Variants in STRN3 observed in about 807,000 individuals in gnomAD.
STRN3 encodes the protein striatin-3.
In STRN3, 29 loss-of-function variants were observed where a neutral mutation model predicts 95.6. The ratio of observed to expected loss-of-function variants is 0.30; its 90% CI spans 0.23 to 0.41. STRN3 has a LOEUF of 0.41. Among genes scored for constraint, STRN3 ranks in the 10% least tolerant of loss-of-function variants. The probability of loss-of-function intolerance (pLI) is 1.00; values close to 1 mark genes in which losing one functional copy is unlikely to be tolerated. For missense variants in STRN3, 890 were observed against 972.1 expected, an observed-to-expected ratio of 0.92 and a Z score of 1.12; for synonymous variants, 331 against 357.6, an observed-to-expected ratio of 0.93 and a Z score of 0.84.
Position 30,895,053 on chromosome 14 carries a change from CAAAAAAAAAAAAA to C in STRN3, c.*345_*357del, listed in dbSNP as rs35858438. On this transcript the variant is annotated 3_prime_UTR_variant, in exon 18 of 18. Transcript: ENST00000357479. ...AACCCCTAAGGCAGCACACAGAGTC[CAAAAAAAAAAAAA>C]AAAAAAAAAAAAAGAAGAAGAAGAA... 3.4e-3 allele frequency: 90 copies of C among 26,564 alleles called. 3 individuals are homozygous for C. Among genetic ancestry groups the C allele is most frequent in the African/African-American group, 0.014 (68 of 4,782 alleles). The allele number at this position is 26,564 out of a possible 1,614,324, so 1.6% of individuals were successfully genotyped here.
chr14:30,943,179 T>C (rs1055502525), intron 5 of STRN3, among the ~76,000 whole-genome samples: 2 of 152,244 alleles, frequency 1.3e-5, no homozygotes, highest in Non-Finnish European at 2.9e-5. Context: ...CATTTTCTTA[T>C]TCCTAGGGGT....
At chr14:31,012,072 ACT>A (rs975267729) in intron 1 of STRN3, among the ~76,000 whole-genome samples, 1 of 152,166 alleles carries the variant, frequency 6.6e-6, no homozygotes, top group Non-Finnish European at 1.5e-5. Flanking sequence ...ACGGAGCGAG[ACT>A]CTGTCTCAAA....
intron 1 of STRN3, among the ~76,000 whole-genome samples, chr14:31,014,027 C>G (rs1172812756): frequency 6.6e-6 from 1 of 151,506 alleles, no homozygotes; most frequent in Non-Finnish European, 1.5e-5. Flanking sequence ...CCCGGTTTCC[C>G]GAGTAGCTAG....
intron 1 of STRN3, among the ~76,000 whole-genome samples, chr14:31,021,618 AC>A (rs1211468908): frequency 2.0e-5 from 3 of 152,224 alleles, no homozygotes; most frequent in Non-Finnish European, 4.4e-5. Flanking sequence ...ACAACTGGGA[AC>A]AAAAGAAAGA....
At position 30,912,089 on chromosome 14, in the gene STRN3, G is replaced by A. The variant is rs1402175540; in HGVS notation, c.1468C>T (p.Pro490Ser). The change falls in exon 11 of 18, where the codon CCT (proline) becomes TCT (serine). Residue 490 changes from proline (P) to serine (S), a missense_variant. Physicochemically the swap from Pro to Ser is moderately conservative, Grantham distance 74 (BLOSUM62 -1). Transcript: ENST00000357479. The stretch of plus-strand genomic sequence containing the variant: ...GCAGTAACCAGCACAGGTTCTACAG[G>A]ATGAAAAGCTAATGCCCGTACTCCA... ...FDGVRALAFH[P>S]VEPVLVTASE... 6.2e-7 allele frequency: 1 copy of A among 1,614,138 alleles called. No individual in the cohort carries two copies. Among genetic ancestry groups the A allele is most frequent in the Non-Finnish European group, 8.5e-7 (1 of 1,179,988 alleles).
Position 30,978,502 on chromosome 14 carries a change from A to G in STRN3, c.283-22260T>C, listed in dbSNP as rs142677878. Among the ~76,000 whole-genome samples the G allele has an allele frequency of 3.1e-3, 476 of 152,332 alleles. 4 individuals are homozygous for G. The highest frequency in any genetic ancestry group is 0.011 in the African/African-American group (465 of 41,584). On this transcript the variant is annotated intron_variant, in intron 1 of 17. Transcript: ENST00000357479. ...GATATCTATGAAAAACGTACAGCTA[A>G]ATATCATATTTAATTATGAAAAAGT...
intron 4 of STRN3, among the ~76,000 whole-genome samples, chr14:30,950,062 G>C (rs183688810): frequency 9.3e-4 from 141 of 152,002 alleles, no homozygotes; most frequent in Middle Eastern, 3.4e-3. Context: ...ACTAGATAAG[G>C]GTGATCAATT....
chr14:30,924,091 T>A (rs1272371754), intron 8 of STRN3, among the ~76,000 whole-genome samples: 4 of 151,508 alleles, frequency 2.6e-5, no homozygotes, highest in African/African-American at 2.4e-5. Context: ...TAGTATTGCA[T>A]CAACACTTAC....
rs1880345779 is a variant in STRN3 at position 30,964,022 on chromosome 14, C to G, written c.283-7780G>C. Among the ~76,000 whole-genome samples the G allele has an allele frequency of 2.6e-5, 4 of 152,244 alleles. No individual in the cohort carries two copies. In the South Asian group the frequency reaches 6.2e-4, roughly 24 times the overall value. On this transcript the variant is annotated intron_variant, in intron 1 of 17. Coordinates refer to ENST00000357479, the MANE Select transcript of STRN3 (RefSeq NM_001083893.2). ...ATGCCAACACTTTGAGAGGCTGAGG[C>G]AGGCGGATCACTTGAGGTCAGGAGT... is the stretch of plus-strand genomic sequence containing the variant.
intron 1 of STRN3, among the ~76,000 whole-genome samples, chr14:31,001,630 AACTCGGTCGT>A: frequency 6.6e-6 from 1 of 152,282 alleles, no homozygotes; most frequent in African/African-American, 2.4e-5. Flanking sequence ...AGTCAAGTAA[AACTCGGTCGT>A]ACCAAAAGAA....
intron 5 of STRN3, among the ~76,000 whole-genome samples, chr14:30,941,637 TCCC>T (rs144044161): frequency 0.075 from 11,350 of 152,000 alleles, 654 homozygotes; most frequent in East Asian, 0.21. Flanking sequence ...ACTTTTTTTT[TCCC>T]CCCAAGATGG....
Position 30,911,150 on chromosome 14 carries a change from C to G in STRN3, c.1611G>C (p.Leu537=). 6.2e-7 allele frequency: 1 copy of G among 1,611,768 alleles called. No homozygotes were observed. Among genetic ancestry groups the G allele is most frequent in the Non-Finnish European group, 8.5e-7 (1 of 1,179,530 alleles). ...YTFRAHIGPV[L]SLAISSNGEQ... ...CTCCATTAGAACTAATAGCTAATGA[C>G]AGAACAGGGCCGCTATTGTAGGAAG... is the stretch of plus-strand genomic sequence containing the variant. The change falls in exon 13 of 18, where the codon CTG becomes CTC. Residue 537 remains leucine (L), a synonymous_variant. Coordinates refer to ENST00000357479, the MANE Select transcript of STRN3 (RefSeq NM_001083893.2).
intron 1 of STRN3, among the ~76,000 whole-genome samples, chr14:30,989,477 T>C (rs965661448): frequency 2.6e-5 from 4 of 152,166 alleles, no homozygotes; most frequent in Admixed American, 2.6e-4. Flanking sequence ...TTTATTTATT[T>C]TGAGATGGAG....
chr14:30,901,794 T>C (rs1260585388), intron 16 of STRN3, among the ~76,000 whole-genome samples: 1 of 152,192 alleles, frequency 6.6e-6, no homozygotes, highest in African/African-American at 2.4e-5. Flanking sequence ...TATATTTCCC[T>C]ACAACAAGAA....
At chr14:31,016,341 T>A (rs1384389743) in intron 1 of STRN3, among the ~76,000 whole-genome samples, 2 of 151,988 alleles carry the variant, frequency 1.3e-5, no homozygotes. Context: ...CTGTAGCACA[T>A]CCATAAATGG....
Position 31,026,137 on chromosome 14 carries a change from G to A in STRN3, c.49C>T (p.Pro17Ser). The change falls in exon 1 of 18, where the codon CCT becomes TCT. Residue 17 changes from proline to serine, a missense_variant. By Grantham distance (74) the Pro-to-Ser change is moderately conservative. Coordinates refer to ENST00000357479, the MANE Select transcript of STRN3 (RefSeq NM_001083893.2). ...GGGGGPGMAAPPRQQQGPGGN... is the reference protein window; with the variant it reads ...GGGGGPGMAASPRQQQGPGGN... Reference sequence around the variant, plus strand: ...CCAGGTCCCTGCTGCTGCCGGGGAGGGGCCGCCATCCCCGGGCCGCCACCA... The same window carrying A: ...CCAGGTCCCTGCTGCTGCCGGGGAGAGGCCGCCATCCCCGGGCCGCCACCA... 1 of 1,496,208 alleles carries A rather than the reference G, an allele frequency of 6.7e-7. No individual in the cohort carries two copies. The highest frequency in any genetic ancestry group is 8.9e-7 in the Non-Finnish European group (1 of 1,129,070). 92.7% of individuals were successfully genotyped at this position (1,496,208 alleles called of 1,614,324 possible). A position where few individuals can be genotyped will look rare whatever the true frequency, so the allele number is the denominator to read the frequency against.
At position 31,000,975 on chromosome 14, in the gene STRN3, A is replaced by C. The variant is rs552057698; in HGVS notation, c.282+24929T>G. Among the ~76,000 whole-genome samples, 31 of 152,312 alleles carry C rather than the reference A, an allele frequency of 2.0e-4. 1 individual carries two copies. Among genetic ancestry groups the C allele is most frequent in the South Asian group, 6.2e-4 (3 of 4,820 alleles). On this transcript the variant is annotated intron_variant, in intron 1 of 17. Coordinates refer to ENST00000357479, the MANE Select transcript of STRN3 (RefSeq NM_001083893.2). ...ACTTGGTAACAATAAAGAACTCCCC[A>C]CCAGATAGGGTTCTATTGTCTCCGT... is the stretch of plus-strand genomic sequence containing the variant.
chr14:30,987,910 G>C (rs1881775681), intron 1 of STRN3, among the ~76,000 whole-genome samples: 1 of 151,974 alleles, frequency 6.6e-6, no homozygotes, highest in African/African-American at 2.4e-5. Context: ...GCTAATTTTT[G>C]TATTTTTAGT....
chr14:30,926,671 T>G (rs140461583), intron 8 of STRN3, among the ~76,000 whole-genome samples: 3 of 152,178 alleles, frequency 2.0e-5, no homozygotes, highest in African/African-American at 7.2e-5. Flanking sequence ...ATAACAAGCA[T>G]GTGTTATTTT....
Sources: gnomAD v4.1 joint callset for allele counts (sites outside exome capture counted in the v4.1 genomes callset) on GRCh38, gnomAD v4.1.1 for gene constraint, MANE v1.5 for transcripts, NCBI Gene and HGNC (gene_info 2026-07-23, HGNC 2026-07-21) for gene names.